SGK1: variants seen among roughly 807,000 people sequenced by gnomAD.
SGK1 encodes serum/glucocorticoid regulated kinase 1.
In SGK1, 26 loss-of-function variants were observed where a neutral mutation model predicts 64.2. That is an observed-to-expected ratio of 0.40 (90% confidence interval 0.30 to 0.56). SGK1 has a LOEUF of 0.56. Ranked by LOEUF, SGK1 falls within the 20% of genes least tolerant of loss-of-function variation. SGK1 has a pLI of 0.38. For missense variants in SGK1, 519 were observed against 645.6 expected (o/e 0.80, Z 2.12); for synonymous variants, 265 against 239.7 (o/e 1.11, Z -0.98).
intron 2 of SGK1, among the ~76,000 whole-genome samples, chr6:134,254,874 T>G (rs931608108): frequency 6.6e-6 from 1 of 152,208 alleles, no homozygotes; most frequent in Non-Finnish European, 1.5e-5. Context: ...TCTCATTTTT[T>G]TTTTCTTTTT....
chr6:134,266,586 A>T (rs1043066256), intron 1 of SGK1, among the ~76,000 whole-genome samples: 2 of 152,074 alleles, frequency 1.3e-5, no homozygotes, highest in Non-Finnish European at 2.9e-5. Context: ...ACTGCATTCC[A>T]GCCTGGGTGA....
At chr6:134,254,128 C>CAA (rs772602600) in intron 2 of SGK1, among the ~76,000 whole-genome samples, 1,247 of 88,348 alleles carry the variant, frequency 0.014, 29 homozygotes, top group African/African-American at 0.047. Flanking sequence ...TTTTTTTTTT[C>CAA]AAAAAAAAAA....
At chr6:134,279,640 TC>T (rs1354712151) in intron 1 of SGK1, among the ~76,000 whole-genome samples, 1 of 151,890 alleles carries the variant, frequency 6.6e-6, no homozygotes, top group Non-Finnish European at 1.5e-5. Context: ...CCCTCATTAA[TC>T]CCCTCCCCCC....
intron 1 of SGK1, among the ~76,000 whole-genome samples, chr6:134,295,792 AG>A (rs1777339722): frequency 6.6e-6 from 1 of 152,036 alleles, no homozygotes; most frequent in Non-Finnish European, 1.5e-5. Context: ...CAGTAGCAAG[AG>A]GCCATTAAAA....
chr6:134,206,890 A>G (rs1219314614), intron 3 of SGK1, among the ~76,000 whole-genome samples: 48 of 87,876 alleles, frequency 5.5e-4, no homozygotes, highest in African/African-American at 1.3e-3. Context: ...AAAACAAAAA[A>G]AAAATTAATT....
At chr6:134,298,016 CT>C in intron 1 of SGK1, 2 of 880,096 alleles carry the variant, frequency 2.3e-6, no homozygotes, top group Admixed American at 3.4e-5. Flanking sequence ...AGATCTGGGA[CT>C]GCAGCTCCCG....
At chr6:134,206,338 GATATATATATATATATATATAT>G (rs71003676) in intron 3 of SGK1, among the ~76,000 whole-genome samples, 14 of 32,746 alleles carry the variant, frequency 4.3e-4, no homozygotes, top group South Asian at 1.6e-3. Context: ...TGTACCTGAT[GATATATATATATATATATATAT>G]ATATATATAT....
At chr6:134,297,719 T>C in intron 1 of SGK1, 1 of 457,192 alleles carries the variant, frequency 2.2e-6, no homozygotes, top group Non-Finnish European at 4.1e-6. Context: ...GTCAGGCTGG[T>C]CTTGAACTTC....
At chr6:134,228,912 C>T (rs1359963323) in intron 2 of SGK1, among the ~76,000 whole-genome samples, 1 of 148,808 alleles carries the variant, frequency 6.7e-6, no homozygotes, top group East Asian at 2.0e-4. Flanking sequence ...GGCGCGATCT[C>T]CGTTCACTGC....
At chr6:134,314,792 GTT>G (rs61647029) in intron 1 of SGK1, among the ~76,000 whole-genome samples, 4,537 of 138,866 alleles carry the variant, frequency 0.033, 95 homozygotes, top group Middle Eastern at 0.11. Context: ...AGACCCTATG[GTT>G]TTTTTTTTTT....
At chr6:134,281,673 A>T (rs942004829) in intron 1 of SGK1, among the ~76,000 whole-genome samples, 1 of 151,890 alleles carries the variant, frequency 6.6e-6, no homozygotes, top group African/African-American at 2.4e-5. Context: ...GCACCACCAC[A>T]CCCAGCTAAC....
intron 1 of SGK1, among the ~76,000 whole-genome samples, chr6:134,264,069 G>C (rs992988135): frequency 2.0e-5 from 3 of 151,878 alleles, no homozygotes; most frequent in Non-Finnish European, 2.9e-5. Context: ...GTAAAGGCGG[G>C]ATCCAGGCAC....
chr6:134,296,333 G>A (rs1479976896), intron 1 of SGK1, among the ~76,000 whole-genome samples: 1 of 152,092 alleles, frequency 6.6e-6, no homozygotes, highest in African/African-American at 2.4e-5. Context: ...AGTGCAGTGG[G>A]GCAATTTTAG....
At chr6:134,231,732 T>C (rs936116400) in intron 2 of SGK1, among the ~76,000 whole-genome samples, 2 of 152,206 alleles carry the variant, frequency 1.3e-5, no homozygotes, top group Non-Finnish European at 2.9e-5. Flanking sequence ...ACATGGTATC[T>C]ATAAAGTGTT....
rs1777374604 is a variant in SGK1 at position 134,297,369 on chromosome 6, T to C, written c.69+20023A>G. ...CAGGGCGGCCTCCAGCTCAGACAGC[T>C]TGGCGTTGGCATCCTTAACAGCCAG... On this transcript the variant is annotated intron_variant, in intron 1 of 13. Transcript: ENST00000367858. 4.6e-6 allele frequency: 4 copies of C among 875,920 alleles called. No individual in the cohort carries two copies. In the Admixed American group the frequency reaches 5.3e-5, roughly 12 times the overall value. 54.3% of individuals were successfully genotyped at this position (875,920 alleles called of 1,614,324 possible). A position where few individuals can be genotyped will look rare whatever the true frequency, so the allele number is the denominator to read the frequency against.
At chr6:134,182,631 T>A (rs1235403118) in intron 3 of SGK1, among the ~76,000 whole-genome samples, 3 of 152,152 alleles carry the variant, frequency 2.0e-5, no homozygotes, top group Admixed American at 6.5e-5. Flanking sequence ...TGTCGCACAG[T>A]GCAAAGGGTT....
intron 1 of SGK1, among the ~76,000 whole-genome samples, chr6:134,263,241 T>C (rs180708936): frequency 6.6e-6 from 1 of 152,254 alleles, no homozygotes; most frequent in African/African-American, 2.4e-5. Flanking sequence ...ATATTCACTA[T>C]TATTATTGTT....
chr6:134,216,798 G>C (rs1440464118), intron 2 of SGK1, among the ~76,000 whole-genome samples: 1 of 152,208 alleles, frequency 6.6e-6, no homozygotes, highest in South Asian at 2.1e-4. Context: ...AGTAGAACCT[G>C]AACAGGCTTT....
intron 2 of SGK1, among the ~76,000 whole-genome samples, chr6:134,232,680 G>T (rs898481402): frequency 6.6e-6 from 1 of 151,938 alleles, no homozygotes; most frequent in African/African-American, 2.4e-5. Context: ...GCGAAAACTC[G>T]TCTCTGCTAA....
Sources: allele counts gnomAD v4.1 joint callset (sites outside exome capture counted in the v4.1 genomes callset), GRCh38; gene constraint gnomAD v4.1.1; transcripts MANE v1.5; gene names NCBI Gene and HGNC (gene_info 2026-07-23, HGNC 2026-07-21).